The following AFMID variants were observed in gnomAD, a reference collection of about 807,000 sequenced individuals.
AFMID encodes the protein kynurenine formamidase.
AFMID carries 39 observed loss-of-function variants against 47.5 expected under a neutral mutation model. The observed-to-expected ratio is 0.82, with a 90% CI of 0.64 to 1.07. The LOEUF (loss-of-function observed/expected upper bound fraction) is 1.07, where lower values mean the gene tolerates loss of function less well. Among genes scored for constraint, AFMID ranks in the 50% least tolerant of loss-of-function variants. The pLI, the probability that AFMID is intolerant of heterozygous loss-of-function variation, is 0.00. For synonymous variants in AFMID, 130 were observed against 153.2 expected (o/e 0.85, Z 1.12); for missense variants, 375 against 387.5 (o/e 0.97, Z 0.27).
At chr17:78,200,588 C>T (rs527300044) in intron 2 of AFMID, among the ~76,000 whole-genome samples, 3 of 148,786 alleles carry the variant, frequency 2.0e-5, no homozygotes, top group Non-Finnish European at 4.4e-5. Flanking sequence ...GAGGGGACCA[C>T]GTGAAGACGG....
In AFMID at chr17:78,190,952, C is replaced by G; in HGVS notation, c.64-18C>G. The stretch of plus-strand genomic sequence containing the variant: ...TGAGAAGGAAAGTCTTACGGAGCCT[C>G]ATGTTTGTGCCCTGCAGGAGCTGGA... On this transcript the variant is annotated intron_variant, in intron 1 of 10. Transcript: ENST00000409257. The G allele has an allele frequency of 6.2e-7, 1 of 1,611,746 alleles. No homozygotes were observed. Among genetic ancestry groups the G allele is most frequent in the South Asian group, 1.1e-5 (1 of 90,716 alleles).
intron 2 of AFMID, chr17:78,197,085 A>G (rs958133774): frequency 7.0e-7 from 1 of 1,432,432 alleles, no homozygotes; most frequent in Non-Finnish European, 9.6e-7. Flanking sequence ...TTCCACTTAG[A>G]ACATAAATTC....
chr17:78,200,046 T>TAA (rs917290831), intron 2 of AFMID, among the ~76,000 whole-genome samples: 1 of 135,256 alleles, frequency 7.4e-6, no homozygotes, highest in Non-Finnish European at 1.6e-5. Context: ...CACAACGACA[T>TAA]AAAAAAAAAA....
At chr17:78,205,864 C>G in intron 9 of AFMID, 82 bp from the exon 10 acceptor site, 1 of 1,593,728 alleles carries the variant, frequency 6.3e-7, no homozygotes, top group Non-Finnish European at 8.6e-7. Context: ...TGAACCCTGA[C>G]CTGTGCCAGG....
intron 2 of AFMID, among the ~76,000 whole-genome samples, chr17:78,194,763 C>T (rs868383297): frequency 2.6e-5 from 4 of 152,012 alleles, no homozygotes; most frequent in Admixed American, 6.6e-5. Context: ...GGCGCAATCT[C>T]GGCTCACCGC....
intron 2 of AFMID, among the ~76,000 whole-genome samples, chr17:78,198,639 C>CAA (rs57503318): frequency 4.3e-5 from 5 of 116,806 alleles, no homozygotes; most frequent in Admixed American, 8.9e-5. Flanking sequence ...AGCTCTGTCT[C>CAA]AAAAAAAAAA....
chr17:78,193,866 C>G (rs890393106), intron 2 of AFMID, among the ~76,000 whole-genome samples: 2 of 151,514 alleles, frequency 1.3e-5, no homozygotes, highest in Non-Finnish European at 2.9e-5. Context: ...GTCCCATCTA[C>G]TCTGGAGACT....
At chr17:78,196,895 C>T (rs1413835486) in intron 2 of AFMID, among the ~76,000 whole-genome samples, 2 of 152,122 alleles carry the variant, frequency 1.3e-5, no homozygotes, top group African/African-American at 4.8e-5. Context: ...CCCTGGGGTT[C>T]AGGGACTGGA....
At chr17:78,191,147 C>A in intron 2 of AFMID, 87 bp downstream of exon 2, 1 of 1,165,980 alleles carries the variant, frequency 8.6e-7, no homozygotes, top group Non-Finnish European at 1.3e-6. Flanking sequence ...GGGGGCTGTG[C>A]TGCACCACCT....
chr17:78,188,717 C>T (rs1417508991), intron 1 of AFMID, among the ~76,000 whole-genome samples: 2 of 152,196 alleles, frequency 1.3e-5, no homozygotes, highest in African/African-American at 4.8e-5. Context: ...CGGCCTCAGC[C>T]TCCTGAGTAG....
At chr17:78,192,612 A>T (rs1469950395) in intron 2 of AFMID, 11 of 470,684 alleles carry the variant, frequency 2.3e-5, no homozygotes, top group Admixed American at 4.7e-5. Flanking sequence ...CCGTGCCTGG[A>T]CTTTCACCTT....
intron 10 of AFMID, among the ~76,000 whole-genome samples, chr17:78,206,599 G>T (rs2076389372): frequency 6.6e-6 from 1 of 151,854 alleles, no homozygotes; most frequent in African/African-American, 2.4e-5. Flanking sequence ...TAGAGATGGG[G>T]TCTCTCTATG....
At chr17:78,190,233 C>A (rs1379307052) in intron 1 of AFMID, among the ~76,000 whole-genome samples, 3 of 152,064 alleles carry the variant, frequency 2.0e-5, no homozygotes, top group Non-Finnish European at 4.4e-5. Flanking sequence ...ACCGCCCCTC[C>A]TCCTCCAGCC....
At chr17:78,202,444 A>G in intron 2 of AFMID, 55 bp from the exon 3 acceptor site, 3 of 1,564,076 alleles carry the variant, frequency 1.9e-6, no homozygotes, top group Non-Finnish European at 2.6e-6. Flanking sequence ...AAAGAAAAGA[A>G]AAATTTCTAC....
At position 78,187,455 on chromosome 17, in the gene AFMID, A is replaced by T. The variant is rs768544312; in HGVS notation, c.63+22A>T. On this transcript the variant is annotated intron_variant, in intron 1 of 10. Coordinates refer to ENST00000409257, the MANE Select transcript of AFMID (RefSeq NM_001010982.5). ...AGAGGTAGGTGGATTGCAGGGAGGGACTAAGGGGCTGGGGCGGAGTTAGCT... is the reference window on the plus strand; with the variant it reads ...AGAGGTAGGTGGATTGCAGGGAGGGTCTAAGGGGCTGGGGCGGAGTTAGCT... 5 of 1,613,214 alleles carry T rather than the reference A, an allele frequency of 3.1e-6. No individual in the cohort carries two copies. The African/African-American group carries it at 6.7e-5, about 22-fold the overall frequency.
intron 2 of AFMID, among the ~76,000 whole-genome samples, chr17:78,195,918 T>A (rs1200119820): frequency 6.6e-6 from 1 of 152,124 alleles, no homozygotes; most frequent in African/African-American, 2.4e-5. Context: ...AGATCTTGGC[T>A]CACTGCAAGC....
At chr17:78,193,010 T>C (rs998723272) in intron 2 of AFMID, among the ~76,000 whole-genome samples, 2 of 152,184 alleles carry the variant, frequency 1.3e-5, no homozygotes, top group African/African-American at 4.8e-5. Flanking sequence ...TGTTCCTTGC[T>C]GTGCTCAGCT....
rs34018698 is a variant in AFMID, at chr17:78,187,960, CAAAAAAAAAAA to C, written c.63+546_63+556del. Among the ~76,000 whole-genome samples, 9 of 56,678 alleles carry C rather than the reference CAAAAAAAAAAA, an allele frequency of 1.6e-4. No homozygotes were observed. In the South Asian group the frequency reaches 2.7e-3, roughly 17 times the overall value. The allele number at this position is 56,678 out of a possible 152,430, so 37.2% of individuals were successfully genotyped here. On this transcript the variant is annotated intron_variant, in intron 1 of 10. Transcript: ENST00000409257. ...TGGGCGATAGACCAAGACTTAGTCTCAAAAAAAAAAAAAAAAAAAAAAAAAAAAATCCATAG... is the reference window on the plus strand; with the variant it reads ...TGGGCGATAGACCAAGACTTAGTCTCAAAAAAAAAAAAAAAAAATCCATAG...
rs956479280 is a variant in AFMID at position 78,193,851 on chromosome 17, C to G, written c.154+2791C>G. Among the ~76,000 whole-genome samples, 12 of 151,854 alleles carry G rather than the reference C, an allele frequency of 7.9e-5. 3 individuals carry two copies. The highest frequency in any genetic ancestry group is 2.0e-4 in the East Asian group (1 of 5,120). ...AATTAGCTGGGCGTGGTGCGGGCAC[C>G]TGTAGTCCCATCTACTCTGGAGACT... is the stretch of plus-strand genomic sequence containing the variant. On this transcript the variant is annotated intron_variant, in intron 2 of 10. Coordinates refer to ENST00000409257, the MANE Select transcript of AFMID (RefSeq NM_001010982.5).
Sources: allele counts gnomAD v4.1 joint callset (sites outside exome capture counted in the v4.1 genomes callset), GRCh38; gene constraint gnomAD v4.1.1; transcripts MANE v1.5; gene names NCBI Gene and HGNC (gene_info 2026-07-23, HGNC 2026-07-21).